SGCD: variants seen among roughly 807,000 people sequenced by gnomAD.
The protein encoded by SGCD is delta-sarcoglycan.
A neutral mutation model predicts 36.6 loss-of-function variants in SGCD; 18 were observed. The observed-to-expected ratio is 0.49, with a 90% CI of 0.34 to 0.73. SGCD has a LOEUF of 0.73. Among genes scored for constraint, SGCD ranks in the 30% least tolerant of loss-of-function variants. The pLI is 0.01. For missense variants in SGCD, 387 were observed against 346.7 expected (o/e 1.12, Z -0.92); for synonymous variants, 133 against 130.6 (o/e 1.02, Z -0.12).
chr5:156,554,018 C>T (rs1395512912), intron 4 of SGCD, among the ~76,000 whole-genome samples: 1 of 152,144 alleles, frequency 6.6e-6, no homozygotes, highest in Non-Finnish European at 1.5e-5. Context: ...ATTTCAGTTA[C>T]TCATGGTCAG....
At chr5:156,637,250 G>A (rs1561830461) in intron 6 of SGCD, among the ~76,000 whole-genome samples, 1 of 152,060 alleles carries the variant, frequency 6.6e-6, no homozygotes, top group South Asian at 2.1e-4. Context: ...AGTTTCCTGA[G>A]TCCTCCCCCA....
chr5:156,571,843 A>G (rs775531690), intron 4 of SGCD, among the ~76,000 whole-genome samples: 13 of 152,232 alleles, frequency 8.5e-5, no homozygotes, highest in Non-Finnish European at 1.6e-4. Flanking sequence ...CACAACCATC[A>G]CCATCATCTA....
At chr5:155,803,432 C>G in the SGCD span, among the ~76,000 whole-genome samples, 1 of 152,098 alleles carries the variant, frequency 6.6e-6, no homozygotes. Context: ...CTGCCTTTGC[C>G]AGAGAAGAGA....
At chr5:156,126,691 C>G (rs1278603047) in intron 3 of SGCD, among the ~76,000 whole-genome samples, 1 of 152,186 alleles carries the variant, frequency 6.6e-6, no homozygotes, top group East Asian at 1.9e-4. Context: ...TTTCAGATGT[C>G]TTTTCAAGTG....
intron 2 of SGCD, among the ~76,000 whole-genome samples, chr5:156,334,494 C>T (rs1768224802): frequency 6.6e-6 from 1 of 152,110 alleles, no homozygotes; most frequent in Non-Finnish European, 1.5e-5. Flanking sequence ...ACAATTCTTG[C>T]AATGCCGTCA....
chr5:156,328,574 T>C (rs1767919402), intron 1 of SGCD, among the ~76,000 whole-genome samples: 1 of 152,182 alleles, frequency 6.6e-6, no homozygotes, highest in Non-Finnish European at 1.5e-5. Context: ...TTCCTCTGCA[T>C]AAGACCTAGA....
chr5:156,538,946 T>G (rs1758236473), intron 4 of SGCD, among the ~76,000 whole-genome samples: 1 of 151,760 alleles, frequency 6.6e-6, no homozygotes, highest in African/African-American at 2.4e-5. Context: ...TTTTATATAT[T>G]ATACTGAAGG....
chr5:156,069,281 A>G (rs1218792458), intron 1 of SGCD, among the ~76,000 whole-genome samples: 3 of 152,210 alleles, frequency 2.0e-5, no homozygotes, highest in Non-Finnish European at 4.4e-5. Flanking sequence ...TCTTTAATCC[A>G]TCTTGAATTA....
chr5:156,236,887 A>G (rs1210639368), intron 3 of SGCD, among the ~76,000 whole-genome samples: 1 of 149,674 alleles, frequency 6.7e-6, no homozygotes, highest in East Asian at 2.0e-4. Context: ...AGGATGGAGC[A>G]CAGCGGCAGA....
intron 6 of SGCD, among the ~76,000 whole-genome samples, chr5:156,611,493 T>A (rs1158037870): frequency 1.3e-5 from 2 of 152,230 alleles, no homozygotes; most frequent in Non-Finnish European, 2.9e-5. Context: ...TATTAGATAT[T>A]TTCTTATTTA....
chr5:156,585,794 T>A (rs1408625024), intron 4 of SGCD, among the ~76,000 whole-genome samples: 1 of 152,184 alleles, frequency 6.6e-6, no homozygotes, highest in Non-Finnish European at 1.5e-5. Flanking sequence ...GATGGGGGCC[T>A]TTCCAAGGTC....
chr5:155,730,092 T>C, the SGCD span, among the ~76,000 whole-genome samples: 1 of 152,102 alleles, frequency 6.6e-6, no homozygotes, highest in East Asian at 1.9e-4. Context: ...CGAGTGAGCG[T>C]GGAGACAAGT....
intron 1 of SGCD, among the ~76,000 whole-genome samples, chr5:155,989,878 G>GCA (rs1758398771): frequency 6.6e-6 from 1 of 152,158 alleles, no homozygotes; most frequent in Admixed American, 6.5e-5. Flanking sequence ...TGCATATTTT[G>GCA]CAACATGAAG....
chr5:156,678,253 A>G (rs1177559253), intron 7 of SGCD, among the ~76,000 whole-genome samples: 6 of 152,214 alleles, frequency 3.9e-5, no homozygotes, highest in Non-Finnish European at 8.8e-5. Flanking sequence ...AAGCTGTGAA[A>G]CAGTGCCCAG....
chr5:156,721,812 G>A (rs1755524918), intron 7 of SGCD, among the ~76,000 whole-genome samples: 1 of 152,174 alleles, frequency 6.6e-6, no homozygotes, highest in Non-Finnish European at 1.5e-5. Context: ...TGCAGAGTGA[G>A]TGGGTGTTGG....
At chr5:156,313,035 T>A (rs1767428515) in intron 3 of SGCD, among the ~76,000 whole-genome samples, 1 of 152,112 alleles carries the variant, frequency 6.6e-6, no homozygotes, top group Non-Finnish European at 1.5e-5. Flanking sequence ...TCTCTCATCT[T>A]CTCTAAGCCA....
chr5:156,073,585 A>T (rs777878686), intron 1 of SGCD, among the ~76,000 whole-genome samples: 3 of 152,146 alleles, frequency 2.0e-5, no homozygotes, highest in Non-Finnish European at 4.4e-5. Flanking sequence ...TAAATATGTC[A>T]CACTATCTCA....
At chr5:156,116,315 T>C (rs1271076316) in intron 1 of SGCD, among the ~76,000 whole-genome samples, 31 of 152,172 alleles carry the variant, frequency 2.0e-4, no homozygotes. Flanking sequence ...GGTGATGCTC[T>C]AATTTTTCTA....
intron 1 of SGCD, among the ~76,000 whole-genome samples, chr5:156,000,216 TGGGGTACACACA>T (rs1398050176): frequency 2.0e-5 from 3 of 152,156 alleles, no homozygotes; most frequent in Admixed American, 6.5e-5. Context: ...TCTGTGGGCC[TGGGGTACACACA>T]GGTAGCACAC....
Sources: allele counts gnomAD v4.1 joint callset (sites outside exome capture counted in the v4.1 genomes callset), GRCh38; gene constraint gnomAD v4.1.1; transcripts MANE v1.5; gene names NCBI Gene and HGNC (gene_info 2026-07-23, HGNC 2026-07-21).